The following CCDC32 variants were observed in gnomAD, a reference collection of about 807,000 sequenced individuals.
The protein encoded by CCDC32 is coiled-coil domain containing 32.
CCDC32 carries 9 observed loss-of-function variants against 20.1 expected under a neutral mutation model. That is an observed-to-expected ratio of 0.45 (90% CI 0.27 to 0.78). CCDC32 has a LOEUF of 0.78. CCDC32 is among the 30% of genes least tolerant of loss of function. The pLI is 0.16. For synonymous variants in CCDC32, 63 were observed against 79.0 expected, an observed-to-expected ratio of 0.80 and a Z score of 1.07; for missense variants, 204 against 215.5, an observed-to-expected ratio of 0.95 and a Z score of 0.33.
intron 3 of CCDC32, among the ~76,000 whole-genome samples, chr15:40,539,881 C>CACACACACACACACACACACACACA (rs1491175376): frequency 6.8e-6 from 1 of 147,842 alleles, no homozygotes; most frequent in South Asian, 2.2e-4. Context: ...CACACACACA[C>CACACACACACACACACACACACACA]CCCGCTCCTT....
intron 1 of CCDC32, among the ~76,000 whole-genome samples, chr15:40,563,826 CT>C (rs35503180): frequency 0.63 from 86,946 of 137,176 alleles, 28,412 homozygotes; most frequent in Non-Finnish European, 0.76. Context: ...TTCTTTCTTT[CT>C]TTTTTTTTTT....
At chr15:40,530,530 C>CCTCTCTCT (rs3067991), downstream of CCDC32, among the ~76,000 whole-genome samples, 1 of 145,574 alleles carries the variant, frequency 6.9e-6, no homozygotes, top group Non-Finnish European at 1.5e-5. Context: ...CCTGGCACCT[C>CCTCTCTCT]CTCTCTCTCT....
Position 40,563,005 on chromosome 15 carries a change from A to G in CCDC32, c.11T>C (p.Phe4Ser). 1 of 1,614,130 alleles carries G rather than the reference A, an allele frequency of 6.2e-7. No homozygotes were observed. Among genetic ancestry groups the G allele is most frequent in the Non-Finnish European group, 8.5e-7 (1 of 1,180,026 alleles). Residue 4 changes from phenylalanine to serine, a missense_variant, in exon 2 of 4, where the codon TTT becomes TCT. Phe to Ser is a radical substitution (Grantham distance 155). Transcript: ENST00000416810. ...TGTGGCTGTAGAGTCAGCGCTCTCA[A>G]ACATTTTCATTTGGAATCTGAGCTA... MKM[F>S]ESADSTATRS... is the part of the protein sequence containing the mutation.
downstream of CCDC32, chr15:40,534,524 T>C (rs1186877064): frequency 5.7e-6 from 1 of 176,572 alleles, no homozygotes; most frequent in African/African-American, 2.4e-5. Context: ...CGTGAGAACT[T>C]ACTATCACAA....
At chr15:40,563,346 T>C (rs1595896881) in intron 1 of CCDC32, among the ~76,000 whole-genome samples, 1 of 152,144 alleles carries the variant, frequency 6.6e-6, no homozygotes, top group South Asian at 2.1e-4. Flanking sequence ...CTGGGTGACA[T>C]TGCGAGGCCC....
chr15:40,534,217 TC>T (rs1595883288), downstream of CCDC32: 1 of 152,358 alleles, frequency 6.6e-6, no homozygotes, highest in African/African-American at 2.4e-5. Context: ...TTCTCACAGT[TC>T]CGAGGTTGGA....
chr15:40,535,353 A>C, downstream of CCDC32: 1 of 1,141,294 alleles, frequency 8.8e-7, no homozygotes, highest in African/African-American at 1.6e-5. Context: ...TCTGTTTTAA[A>C]GTCTGCACTG....
At chr15:40,521,721 C>G in the CCDC32 span, among the ~76,000 whole-genome samples, 1 of 152,246 alleles carries the variant, frequency 6.6e-6, no homozygotes, top group Middle Eastern at 3.4e-3. Context: ...TTTTGATTTG[C>G]CTTTCCATGA....
In CCDC32 at chr15:40,553,336, CAT is replaced by C. The variant is rs2141630256; in HGVS notation, c.*633_*634del. 1 of 985,366 alleles carries C rather than the reference CAT, an allele frequency of 1.0e-6. No homozygotes were observed. Among genetic ancestry groups the C allele is most frequent in the South Asian group, 4.7e-5 (1 of 21,272 alleles). 61.0% of individuals were successfully genotyped at this position (985,366 alleles called of 1,614,324 possible). A position where few individuals can be genotyped will look rare whatever the true frequency, so the allele number is the denominator to read the frequency against. ...GAAGTAAAAAATACATATACACAGA[CAT>C]AAACACCCACATTTTCACACTTCTT... is the stretch of plus-strand genomic sequence containing the variant. On this transcript the variant is annotated 3_prime_UTR_variant, in exon 4 of 4. Coordinates refer to ENST00000416810, the MANE Select transcript of CCDC32 (RefSeq NM_001080792.4).
chr15:40,554,602 G>T (rs1890112206), intron 3 of CCDC32, among the ~76,000 whole-genome samples: 1 of 152,044 alleles, frequency 6.6e-6, no homozygotes, highest in Non-Finnish European at 1.5e-5. Context: ...TGCACTAAGT[G>T]ATTTTTTTTT....
At chr15:40,549,939 C>G (rs879084003), downstream of CCDC32, among the ~76,000 whole-genome samples, 2 of 152,200 alleles carry the variant, frequency 1.3e-5, no homozygotes, top group Non-Finnish European at 2.9e-5. Flanking sequence ...AGCAATGGTC[C>G]TGGTGGGCAG....
At chr15:40,554,938 T>C (rs932248398) in intron 3 of CCDC32, among the ~76,000 whole-genome samples, 1 of 152,228 alleles carries the variant, frequency 6.6e-6, no homozygotes, top group Non-Finnish European at 1.5e-5. Flanking sequence ...TAGGCATCTC[T>C]TGGTATATGG....
At chr15:40,564,619 C>T in intron 1 of CCDC32, 1 of 1,109,566 alleles carries the variant, frequency 9.0e-7, no homozygotes, top group Non-Finnish European at 1.3e-6. Flanking sequence ...CTGAATAATG[C>T]CAGGAGACAG....
At chr15:40,525,011 A>G (rs186463350), downstream of CCDC32, among the ~76,000 whole-genome samples, 3 of 150,152 alleles carry the variant, frequency 2.0e-5, no homozygotes, top group Non-Finnish European at 4.4e-5. Context: ...TACAGGCATG[A>G]GTCACCATGC....
Position 40,557,369 on chromosome 15 carries a change from T to C in CCDC32, c.248A>G (p.Lys83Arg). 1 of 1,604,742 alleles carries C rather than the reference T, an allele frequency of 6.2e-7. No individual in the cohort carries two copies. The highest frequency in any genetic ancestry group is 8.5e-7 in the Non-Finnish European group (1 of 1,177,150). Residue 83 changes from lysine (K) to arginine (R), a missense_variant, in exon 3 of 4, where the codon AAG (lysine) becomes AGG (arginine). Lys to Arg is a conservative substitution (Grantham distance 26, BLOSUM62 2). Transcript: ENST00000416810. The stretch of plus-strand genomic sequence containing the variant: ...TAAACCTTTGATTCTTCTTAGCTTC[T>C]TCTCTAGAGAGAGAAGTAGAGCTTA... ...DSEVYLASLE[K>R]KLRRIKGLNQ... is the part of the protein sequence containing the mutation.
At chr15:40,525,019 T>C (rs1392224206), downstream of CCDC32, among the ~76,000 whole-genome samples, 2 of 151,704 alleles carry the variant, frequency 1.3e-5, no homozygotes, top group Admixed American at 6.6e-5. Flanking sequence ...TGAGTCACCA[T>C]GCCCAGCCAA....
downstream of CCDC32, chr15:40,534,980 G>C (rs1279341672): frequency 1.4e-6 from 1 of 702,796 alleles, no homozygotes; most frequent in Non-Finnish European, 2.6e-6. Flanking sequence ...GTGGTCTTGG[G>C]TTTAGTGACT....
chr15:40,532,638 A>G (rs1888922582), downstream of CCDC32, among the ~76,000 whole-genome samples: 1 of 151,502 alleles, frequency 6.6e-6, no homozygotes, highest in Non-Finnish European at 1.5e-5. Flanking sequence ...AAACTGTTCC[A>G]TACTGCTGCA....
chr15:40,560,892 C>T (rs1388896861), intron 2 of CCDC32, among the ~76,000 whole-genome samples: 2 of 152,126 alleles, frequency 1.3e-5, no homozygotes, highest in Non-Finnish European at 2.9e-5. Context: ...GAAAAGAAGT[C>T]GTTATATCAA....
Sources: allele counts gnomAD v4.1 joint callset (sites outside exome capture counted in the v4.1 genomes callset), GRCh38; gene constraint gnomAD v4.1.1; transcripts MANE v1.5; gene names NCBI Gene and HGNC (gene_info 2026-07-23, HGNC 2026-07-21).